Variants in PRL observed in about 807,000 individuals in gnomAD.
PRL encodes the protein prolactin, also known as decidual prolactin.
A neutral mutation model predicts 21.3 loss-of-function variants in PRL; 24 were observed. That is an observed-to-expected ratio of 1.13 (90% CI 0.82 to 1.59). The LOEUF is 1.59. Ranked by LOEUF, PRL falls within the 40% of genes most tolerant of loss-of-function variation. The pLI, the probability that PRL is intolerant of heterozygous loss-of-function variation, is 0.00. For missense variants in PRL, 243 were observed against 286.9 expected (o/e 0.85, Z 1.10); for synonymous variants, 118 against 115.7 (o/e 1.02, Z -0.13).
Position 22,292,564 on chromosome 6 carries a change from C to T in PRL, c.286G>A (p.Asp96Asn). Residue 96 changes from aspartate to asparagine, a missense_variant, in exon 3 of 5, where the codon GAC (aspartate) becomes AAC (asparagine). By Grantham distance (23) the Asp-to-Asn change is conservative. Transcript: ENST00000306482. ...CHTSSLATPEDKEQAQQMNQK... is the reference protein window; with the variant it reads ...CHTSSLATPENKEQAQQMNQK... The stretch of plus-strand genomic sequence containing the variant: ...TTCATCTGTTGGGCTTGCTCCTTGT[C>T]TTCGGGGGTGGCAAGGGAAGAAGTG... 1 of 1,614,116 alleles carries T rather than the reference C, an allele frequency of 6.2e-7. No individual in the cohort carries two copies. Among genetic ancestry groups the T allele is most frequent in the Non-Finnish European group, 8.5e-7 (1 of 1,180,010 alleles).
rs1442157791 is a variant in PRL, at chr6:22,288,909, CGTGTGTGTGCGTGCGCGTGTGTGTGCAT to C, written c.492+1237_492+1264del. On this transcript the variant is annotated intron_variant, in intron 4 of 4. Coordinates refer to ENST00000306482, the MANE Select transcript of PRL (RefSeq NM_000948.6). This position sits in a 1 kb window ranked among gnomAD's most constrained non-coding sequence, Gnocchi z 4.5. ...GCGTGTGTGTGCGTGTGTGCGCGCG[CGTGTGTGTGCGTGCGCGTGTGTGTGCAT>C]GTGTGTGTGCGTGCGCGTGTGTGTG... 5.9e-4 allele frequency among the ~76,000 whole-genome samples: 87 copies of C among 146,736 alleles called. No homozygotes were observed. The highest frequency in any genetic ancestry group is 9.2e-4 in the Non-Finnish European group (61 of 66,590).
At chr6:22,295,001 A>G (rs1272656505) in intron 1 of PRL, among the ~76,000 whole-genome samples, 1 of 152,082 alleles carries the variant, frequency 6.6e-6, no homozygotes, top group Non-Finnish European at 1.5e-5. Context: ...GATAATTTAC[A>G]TTGTAGACAC....
At chr6:22,294,163 T>C (rs1761123401) in intron 2 of PRL, among the ~76,000 whole-genome samples, 1 of 152,208 alleles carries the variant, frequency 6.6e-6, no homozygotes, top group Admixed American at 6.5e-5. Flanking sequence ...TAAATTTTTT[T>C]ATTTTTAAAA....
chr6:22,287,397 T>C lies in PRL; in HGVS notation c.*5A>G. ...TTCTCAGAAATAGATGAAATGGATG[T>C]GGGCTTAGCAGTTGTTGTTGTGGAT... On this transcript the variant is annotated 3_prime_UTR_variant, in exon 5 of 5. Transcript: ENST00000306482. 6.2e-7 allele frequency: 1 copy of C among 1,606,624 alleles called. No homozygotes were observed. The highest frequency in any genetic ancestry group is 8.5e-7 in the Non-Finnish European group (1 of 1,174,236).
At chr6:22,292,919 C>T (rs1761086048) in intron 2 of PRL, among the ~76,000 whole-genome samples, 1 of 152,144 alleles carries the variant, frequency 6.6e-6, no homozygotes, top group African/African-American at 2.4e-5. Context: ...TCACACAAGT[C>T]ACACGAGTTG....
rs6239 is a variant in PRL, at chr6:22,287,516, C to T, written c.570G>A (p.Glu190=). The stretch of plus-strand genomic sequence containing the variant: ...GGTTATAATAAGCAGAAAGGCGAGA[C>T]TCTTCATCAGCCATCTGCAGGGATG... ...GLPSLQMADE[E]SRLSAYYNLL... Residue 190 remains glutamate (E), a synonymous_variant, in exon 5 of 5, where the codon GAG becomes GAA. Coordinates refer to ENST00000306482, the MANE Select transcript of PRL (RefSeq NM_000948.6). 0.038 allele frequency: 61,091 copies of T among 1,613,832 alleles called. 3,615 individuals are homozygous for T. The highest frequency in any genetic ancestry group is 0.23 in the East Asian group (10,195 of 44,834).
chr6:22,295,289 G>A (rs1761150851), intron 1 of PRL, among the ~76,000 whole-genome samples: 1 of 152,138 alleles, frequency 6.6e-6, no homozygotes, highest in Admixed American at 6.5e-5. Flanking sequence ...GAAACAGATG[G>A]CTTAGGGAGG....
rs530591308 is a variant in PRL at position 22,288,930 on chromosome 6, G to C, written c.492+1244C>G. ...CGCGCGTGTGTGTGCGTGCGCGTGT[G>C]TGTGCATGTGTGTGTGCGTGCGCGT... is the stretch of plus-strand genomic sequence containing the variant. On this transcript the variant is annotated intron_variant, in intron 4 of 4. Transcript: ENST00000306482. This position sits in a 1 kb window ranked among gnomAD's most constrained non-coding sequence, Gnocchi z 4.5. 6.6e-6 allele frequency among the ~76,000 whole-genome samples: 1 copy of C among 151,698 alleles called. No homozygotes were observed. The highest frequency in any genetic ancestry group is 1.5e-5 in the Non-Finnish European group (1 of 67,802).
chr6:22,301,897 G>C (rs547382555), upstream of PRL, among the ~76,000 whole-genome samples: 5 of 152,160 alleles, frequency 3.3e-5, no homozygotes, highest in East Asian at 9.7e-4. Context: ...GGAATGCTCT[G>C]ATGTCCAACA....
chr6:22,292,846 T>C (rs1482508814), intron 2 of PRL, among the ~76,000 whole-genome samples: 1 of 152,234 alleles, frequency 6.6e-6, no homozygotes, highest in East Asian at 1.9e-4. Flanking sequence ...TTTTTTCATC[T>C]AGTTTTCATA....
chr6:22,296,061 A>T (rs892513166), intron 1 of PRL, among the ~76,000 whole-genome samples: 3 of 152,220 alleles, frequency 2.0e-5, no homozygotes, highest in Non-Finnish European at 4.4e-5. Context: ...AACCAAATGT[A>T]TATTTTATCT....
At chr6:22,294,942 A>T (rs1003203155) in intron 1 of PRL, among the ~76,000 whole-genome samples, 36 of 152,190 alleles carry the variant, frequency 2.4e-4, no homozygotes, top group Middle Eastern at 3.2e-3. Context: ...GATTTTCAGC[A>T]GTCAGGCTGC....
chr6:22,295,012 T>G (rs1761145757), intron 1 of PRL, among the ~76,000 whole-genome samples: 1 of 152,158 alleles, frequency 6.6e-6, no homozygotes, highest in African/African-American at 2.4e-5. Flanking sequence ...TTGTAGACAC[T>G]GATATAACAA....
At chr6:22,293,617 G>GGGAAGGAAGGAA (rs755533867) in intron 2 of PRL, among the ~76,000 whole-genome samples, 23 of 97,138 alleles carry the variant, frequency 2.4e-4, no homozygotes, top group East Asian at 1.1e-3. Flanking sequence ...GAAGGGAGGA[G>GGGAAGGAAGGAA]GGAAGGAGGG....
upstream of PRL, among the ~76,000 whole-genome samples, chr6:22,301,697 C>T (rs935002927): frequency 1.3e-5 from 2 of 152,168 alleles, no homozygotes; most frequent in South Asian, 4.1e-4. Context: ...ACCCTTTATC[C>T]TCCAATACAT....
intron 1 of PRL, among the ~76,000 whole-genome samples, chr6:22,295,371 C>G (rs987444112): frequency 1.3e-5 from 2 of 152,108 alleles, no homozygotes; most frequent in Non-Finnish European, 2.9e-5. Context: ...GGTCTTTGCA[C>G]GTCGTCTTGT....
chr6:22,293,642 G>GGAGGGAAGGAAGGAAA, intron 2 of PRL, among the ~76,000 whole-genome samples: 1 of 48,296 alleles, frequency 2.1e-5, no homozygotes, highest in Non-Finnish European at 4.1e-5. Context: ...AAGGAAGGAA[G>GGAGGGAAGGAAGGAAA]GAAGGAAGGA....
intron 3 of PRL, chr6:22,291,074 G>A (rs1288062502): frequency 1.3e-5 from 2 of 152,152 alleles, no homozygotes; most frequent in South Asian, 2.1e-4. Flanking sequence ...TTACTACCAC[G>A]ATCGTGTAGG....
rs146665080 is a variant in PRL at position 22,293,034 on chromosome 6, G to A, written c.205-389C>T. On this transcript the variant is annotated intron_variant, in intron 2 of 4. Coordinates refer to ENST00000306482, the MANE Select transcript of PRL (RefSeq NM_000948.6). ...TTGAGCCAAATGCCACAGTGCAAAT[G>A]TATTTACATGTATTCATTTAATCTC... Among the ~76,000 whole-genome samples, 935 of 152,264 alleles carry A rather than the reference G, an allele frequency of 6.1e-3. 12 individuals carry two copies. Among genetic ancestry groups the A allele is most frequent in the African/African-American group, 0.021 (870 of 41,546 alleles).
Sources: gnomAD v4.1 joint callset for allele counts (sites outside exome capture counted in the v4.1 genomes callset) on GRCh38, gnomAD v4.1.1 for gene constraint, Gnocchi (gnomAD v3.1) non-coding constraint, MANE v1.5 for transcripts, NCBI Gene and HGNC (gene_info 2026-07-23, HGNC 2026-07-21) for gene names.